Variants in ADGRB3 observed in about 807,000 individuals in gnomAD.
The protein encoded by ADGRB3 is brain-specific angiogenesis inhibitor 3.
ADGRB3 carries 37 observed loss-of-function variants against 193.4 expected under a neutral mutation model. The ratio of observed to expected loss-of-function variants is 0.19; its 90% CI spans 0.15 to 0.25. The LOEUF is 0.25. ADGRB3 is among the 10% of genes least tolerant of loss of function. The pLI, the probability that ADGRB3 is intolerant of heterozygous loss-of-function variation, is 1.00. For missense variants in ADGRB3, 1,637 were observed against 1,852.9 expected (o/e 0.88, Z 2.14); for synonymous variants, 690 against 644.2 (o/e 1.07, Z -1.08).
chr6:68,889,199 T>G (rs891643072), intron 3 of ADGRB3, among the ~76,000 whole-genome samples: 1 of 152,234 alleles, frequency 6.6e-6, no homozygotes, highest in Non-Finnish European at 1.5e-5. Context: ...TAACAATGAC[T>G]AAACAAATTC....
intron 20 of ADGRB3, among the ~76,000 whole-genome samples, chr6:69,289,656 A>G (rs1485902363): frequency 6.6e-6 from 1 of 152,142 alleles, no homozygotes; most frequent in Non-Finnish European, 1.5e-5. Flanking sequence ...GGACCAAGGC[A>G]TTTGATCTTT....
intron 3 of ADGRB3, among the ~76,000 whole-genome samples, chr6:68,860,690 G>A (rs1309361305): frequency 6.6e-6 from 1 of 152,106 alleles, no homozygotes; most frequent in Non-Finnish European, 1.5e-5. Context: ...ATTGTGTATT[G>A]TGCTGCTATA....
At chr6:68,952,390 A>G (rs1028279962) in intron 6 of ADGRB3, among the ~76,000 whole-genome samples, 1 of 152,132 alleles carries the variant, frequency 6.6e-6, no homozygotes, top group Non-Finnish European at 1.5e-5. Flanking sequence ...TTATATATAT[A>G]TAGTCTGTTG....
intron 3 of ADGRB3, among the ~76,000 whole-genome samples, chr6:68,764,002 G>T (rs1766462915): frequency 6.6e-6 from 1 of 152,148 alleles, no homozygotes; most frequent in Non-Finnish European, 1.5e-5. Context: ...GAGCCTGAGA[G>T]CCAGAGGTTG....
At chr6:68,708,337 C>T (rs1278635985) in intron 3 of ADGRB3, among the ~76,000 whole-genome samples, 1 of 152,142 alleles carries the variant, frequency 6.6e-6, no homozygotes, top group African/African-American at 2.4e-5. Flanking sequence ...TTTGATTTCA[C>T]AAGAAATTAA....
chr6:69,322,795 T>G (rs139515079), intron 20 of ADGRB3, among the ~76,000 whole-genome samples: 1 of 151,976 alleles, frequency 6.6e-6, no homozygotes, highest in African/African-American at 2.4e-5. Flanking sequence ...ATTCCTTAAG[T>G]TGAGATAGCT....
intron 3 of ADGRB3, among the ~76,000 whole-genome samples, chr6:68,879,364 C>T (rs2150223605): frequency 6.6e-6 from 1 of 151,728 alleles, no homozygotes; most frequent in South Asian, 2.1e-4. Flanking sequence ...CTGCAGGTGC[C>T]CACCACCACG....
intron 3 of ADGRB3, among the ~76,000 whole-genome samples, chr6:68,883,434 T>G (rs1341027537): frequency 3.3e-5 from 5 of 152,190 alleles, no homozygotes; most frequent in Admixed American, 2.0e-4. Flanking sequence ...TCCTTCCACG[T>G]TGTAGGAGCT....
At chr6:68,921,610 A>G (rs1045966545) in intron 3 of ADGRB3, among the ~76,000 whole-genome samples, 13 of 152,200 alleles carry the variant, frequency 8.5e-5, no homozygotes, top group Admixed American at 5.2e-4. Flanking sequence ...CTTCAAGTAG[A>G]AAAATCTTTG....
chr6:68,839,731 TAAG>T (rs1768114869), intron 3 of ADGRB3, among the ~76,000 whole-genome samples: 2 of 152,140 alleles, frequency 1.3e-5, no homozygotes, highest in Non-Finnish European at 2.9e-5. Context: ...GAGCCCTTCA[TAAG>T]AAGCAGAAAT....
chr6:69,295,297 G>T (rs551335244), intron 20 of ADGRB3, among the ~76,000 whole-genome samples: 4 of 152,150 alleles, frequency 2.6e-5, no homozygotes, highest in African/African-American at 7.2e-5. Flanking sequence ...TCATCATACT[G>T]CCTTCAATTG....
intron 3 of ADGRB3, among the ~76,000 whole-genome samples, chr6:68,837,600 A>C (rs1005169808): frequency 4.6e-5 from 7 of 152,244 alleles, no homozygotes; most frequent in African/African-American, 1.2e-4. Context: ...TTGAAATAAG[A>C]TAGAAAGTGA....
chr6:68,922,391 A>G (rs1767068255), intron 3 of ADGRB3, among the ~76,000 whole-genome samples: 1 of 152,252 alleles, frequency 6.6e-6, no homozygotes, highest in South Asian at 2.1e-4. Flanking sequence ...TTCACATGCA[A>G]GGTAAACCTT....
chr6:68,871,345 T>C (rs1765449694), intron 3 of ADGRB3, among the ~76,000 whole-genome samples: 1 of 152,160 alleles, frequency 6.6e-6, no homozygotes, highest in Non-Finnish European at 1.5e-5. Context: ...GAAATAGGGG[T>C]AAAGTGTGAA....
At chr6:69,380,548 T>C (rs1423556972) in intron 30 of ADGRB3, among the ~76,000 whole-genome samples, 3 of 151,834 alleles carry the variant, frequency 2.0e-5, no homozygotes, top group Non-Finnish European at 2.9e-5. Context: ...AAAATTGAGC[T>C]AGAAATTGTC....
intron 3 of ADGRB3, among the ~76,000 whole-genome samples, chr6:68,846,362 G>A (rs191000813): frequency 2.6e-5 from 4 of 152,204 alleles, no homozygotes; most frequent in African/African-American, 7.2e-5. Flanking sequence ...TGCATAAATA[G>A]CAAGGAGCCT....
intron 26 of ADGRB3, among the ~76,000 whole-genome samples, chr6:69,347,264 G>A (rs975108586): frequency 2.6e-5 from 4 of 151,994 alleles, no homozygotes; most frequent in African/African-American, 7.2e-5. Context: ...GTAGATGATG[G>A]GTTGATGGGT....
chr6:69,132,861 G>A (rs1774048981), intron 17 of ADGRB3, among the ~76,000 whole-genome samples: 1 of 151,886 alleles, frequency 6.6e-6, no homozygotes, highest in Admixed American at 6.6e-5. Context: ...CAGTTTTCTA[G>A]ACACCATTTA....
chr6:69,232,418 A>G (rs1393402937), intron 17 of ADGRB3: 10 of 1,466,816 alleles, frequency 6.8e-6, no homozygotes, highest in South Asian at 4.3e-5. Flanking sequence ...ATGCTTTAGC[A>G]TTTTAAATGG....
Sources: allele counts gnomAD v4.1 joint callset (sites outside exome capture counted in the v4.1 genomes callset), GRCh38; gene constraint gnomAD v4.1.1; transcripts MANE v1.5; gene names NCBI Gene and HGNC (gene_info 2026-07-23, HGNC 2026-07-21).